The following EXOC4 variants were observed in gnomAD, a reference collection of about 807,000 sequenced individuals.
EXOC4 encodes the protein SEC8-like 1.
Under a neutral mutation model 107.2 loss-of-function variants are expected in EXOC4, and 71 were observed. The ratio of observed to expected loss-of-function variants is 0.66; its 90% CI spans 0.55 to 0.81. The LOEUF is 0.81. Among genes scored for constraint, EXOC4 ranks in the 30% least tolerant of loss-of-function variants. EXOC4 has a pLI of 0.00. For missense variants in EXOC4, 1,108 were observed against 1,189.6 expected (o/e 0.93, Z 1.01); for synonymous variants, 456 against 441.2 (o/e 1.03, Z -0.42).
intron 9 of EXOC4, among the ~76,000 whole-genome samples, chr7:133,520,522 G>T (rs1484933648): frequency 6.6e-6 from 1 of 152,028 alleles, no homozygotes; most frequent in South Asian, 2.1e-4. Flanking sequence ...TTAAGTTACT[G>T]TGCAAATGCA....
At chr7:133,784,884 C>G (rs1052716926) in intron 10 of EXOC4, among the ~76,000 whole-genome samples, 2 of 152,138 alleles carry the variant, frequency 1.3e-5, no homozygotes, top group African/African-American at 4.8e-5. Context: ...TTTTGCTTTC[C>G]CAAATGCAAT....
chr7:133,823,647 T>C (rs879014712), intron 11 of EXOC4, among the ~76,000 whole-genome samples: 1 of 149,934 alleles, frequency 6.7e-6, no homozygotes, highest in Non-Finnish European at 1.5e-5. Flanking sequence ...AAACCCTGTC[T>C]ATAACTAAAA....
chr7:133,787,374 TGTGTGTGTGTGTGTGA>T (rs1203075798), intron 10 of EXOC4, among the ~76,000 whole-genome samples: 1,675 of 23,258 alleles, frequency 0.072, 61 homozygotes, highest in African/African-American at 0.37. Flanking sequence ...TGTGTGTGTG[TGTGTGTGTGTGTGTGA>T]GATGAGGTCT....
intron 10 of EXOC4, among the ~76,000 whole-genome samples, chr7:133,705,007 G>A (rs2041995): frequency 0.52 from 78,726 of 151,946 alleles, 21,348 homozygotes; most frequent in East Asian, 0.68. Context: ...TTTTCTTTCC[G>A]TAAGTTAAGA....
chr7:133,459,338 T>G (rs1303698617), intron 7 of EXOC4, among the ~76,000 whole-genome samples: 1 of 152,230 alleles, frequency 6.6e-6, no homozygotes, highest in Non-Finnish European at 1.5e-5. Flanking sequence ...TAGTTATGTT[T>G]ACAAATGCTC....
intron 6 of EXOC4, among the ~76,000 whole-genome samples, 162 bp downstream of exon 6, chr7:133,356,735 C>CT (rs1796029644): frequency 6.6e-6 from 1 of 152,176 alleles, no homozygotes; most frequent in African/African-American, 2.4e-5. Flanking sequence ...TATCCCAGCA[C>CT]TTTGGGAGGC....
chr7:133,918,902 G>C (rs1056756749), intron 13 of EXOC4, among the ~76,000 whole-genome samples: 5 of 151,994 alleles, frequency 3.3e-5, no homozygotes, highest in Admixed American at 3.3e-4. Context: ...AAGGAATAAG[G>C]GCCCATGTTT....
chr7:133,497,124 A>G (rs1453074972), intron 9 of EXOC4, among the ~76,000 whole-genome samples: 2 of 152,154 alleles, frequency 1.3e-5, no homozygotes, highest in African/African-American at 4.8e-5. Flanking sequence ...AACAATCAGA[A>G]TGAGCTAGGA....
chr7:134,092,180 G>A, the EXOC4 span, among the ~76,000 whole-genome samples: 15 of 152,168 alleles, frequency 9.9e-5, no homozygotes, highest in African/African-American at 2.9e-4. Context: ...AAGTGTTCTG[G>A]AATTAGTGGT....
intron 10 of EXOC4, among the ~76,000 whole-genome samples, chr7:133,734,089 A>G (rs1047814063): frequency 6.6e-6 from 1 of 152,228 alleles, no homozygotes; most frequent in African/African-American, 2.4e-5. Flanking sequence ...ATGGATTTTT[A>G]TACAAACCAT....
At chr7:133,852,551 T>C (rs1314764778) in intron 11 of EXOC4, among the ~76,000 whole-genome samples, 2 of 152,208 alleles carry the variant, frequency 1.3e-5, no homozygotes, top group Non-Finnish European at 2.9e-5. Context: ...TATAGGTCTC[T>C]TAGTCTGCTA....
intron 10 of EXOC4, among the ~76,000 whole-genome samples, chr7:133,639,472 T>A: frequency 6.6e-6 from 1 of 152,174 alleles, no homozygotes; most frequent in East Asian, 1.9e-4. Context: ...TCTTTTTTAT[T>A]TTCCTTTTGT....
intron 14 of EXOC4, among the ~76,000 whole-genome samples, chr7:133,982,566 A>G (rs1251774075): frequency 6.6e-6 from 1 of 152,072 alleles, no homozygotes; most frequent in Non-Finnish European, 1.5e-5. Flanking sequence ...ACAAAACAAA[A>G]CAAAAAAAGA....
chr7:133,273,173 G>C (rs976481365), intron 1 of EXOC4, among the ~76,000 whole-genome samples: 1 of 152,176 alleles, frequency 6.6e-6, no homozygotes, highest in Non-Finnish European at 1.5e-5. Context: ...GAAGTTTTCA[G>C]ATTTAAAGAG....
In EXOC4 at chr7:133,293,269, A is replaced by G. The variant is rs187938900; in HGVS notation, c.471+4153A>G. Reference sequence around the variant, plus strand: ...ATCTTCAACTTGGTCTTTTGTATATAAGATTGAGTAGTAAGCTCTATAATT... The same window carrying G: ...ATCTTCAACTTGGTCTTTTGTATATGAGATTGAGTAGTAAGCTCTATAATT... On this transcript the variant is annotated intron_variant, in intron 3 of 17. Transcript: ENST00000253861. Among the ~76,000 whole-genome samples the G allele has an allele frequency of 8.2e-4, 125 of 152,308 alleles. 1 individual carries two copies. Among genetic ancestry groups the G allele is most frequent in the South Asian group, 6.0e-3 (29 of 4,828 alleles).
At chr7:133,825,235 C>T (rs1334941243) in intron 11 of EXOC4, among the ~76,000 whole-genome samples, 1 of 151,834 alleles carries the variant, frequency 6.6e-6, no homozygotes, top group Non-Finnish European at 1.5e-5. Context: ...TGATGTATGC[C>T]TGTAGTCCCA....
At chr7:133,880,396 AT>A (rs1266244393) in intron 11 of EXOC4, among the ~76,000 whole-genome samples, 1 of 152,164 alleles carries the variant, frequency 6.6e-6, no homozygotes, top group African/African-American at 2.4e-5. Flanking sequence ...TGAAGTGTGC[AT>A]GGGTATGTGT....
At chr7:133,523,669 A>C in intron 9 of EXOC4, among the ~76,000 whole-genome samples, 2 of 146,352 alleles carry the variant, frequency 1.4e-5, no homozygotes, top group Admixed American at 7.0e-5. Flanking sequence ...TTCAGTTCCC[A>C]CCTATGAGTG....
chr7:134,041,865 A>G (rs1337824883), intron 17 of EXOC4, among the ~76,000 whole-genome samples: 2 of 152,144 alleles, frequency 1.3e-5, no homozygotes, highest in African/African-American at 2.4e-5. Flanking sequence ...ATTACTCTCT[A>G]TCTTTGTGCA....
Sources: gnomAD v4.1 joint callset for allele counts (sites outside exome capture counted in the v4.1 genomes callset) on GRCh38, gnomAD v4.1.1 for gene constraint, MANE v1.5 for transcripts, NCBI Gene and HGNC (gene_info 2026-07-23, HGNC 2026-07-21) for gene names.